Variants in CFAP44 observed in about 807,000 individuals in gnomAD.
The protein encoded by CFAP44 is cilia- and flagella-associated protein 44.
CFAP44 carries 134 observed loss-of-function variants against 216.2 expected under a neutral mutation model. That is an observed-to-expected ratio of 0.62 (90% CI 0.54 to 0.72). The LOEUF is 0.72. CFAP44 is among the 30% of genes least tolerant of loss of function. The pLI is 0.00. For missense variants in CFAP44, 2,035 were observed against 2,182.1 expected, an observed-to-expected ratio of 0.93 and a Z score of 1.34; for synonymous variants, 700 against 727.6, an observed-to-expected ratio of 0.96 and a Z score of 0.61.
At chr3:113,409,386 G>A (rs1304765851) in intron 6 of CFAP44, 64 bp from the exon 7 acceptor site, 4 of 1,458,454 alleles carry the variant, frequency 2.7e-6, no homozygotes, top group African/African-American at 2.8e-5. Flanking sequence ...AAAACATATT[G>A]TAAAAAAAAG....
intron 1 of CFAP44, among the ~76,000 whole-genome samples, chr3:113,439,014 G>A (rs889119093): frequency 2.0e-5 from 3 of 152,112 alleles, no homozygotes; most frequent in African/African-American, 7.2e-5. Flanking sequence ...TTCACCTATC[G>A]GGGACATTCA....
chr3:113,420,119 G>A lies in CFAP44; in HGVS notation c.468C>T (p.Ile156=), dbSNP rs770683197. The part of the protein sequence containing the change: ...RANLQLLDDS[I]AIYIAGNQLI... ...GTTGGTTCCCAGCTATGTATATGGCGATACTGTCGTCCAGAAGTTGTAGGT... is the reference window on the plus strand; with the variant it reads ...GTTGGTTCCCAGCTATGTATATGGCAATACTGTCGTCCAGAAGTTGTAGGT... Residue 156 remains isoleucine (I), a synonymous_variant, in exon 5 of 35, where the codon ATC becomes ATT. Transcript: ENST00000393845. 2.6e-5 allele frequency: 42 copies of A among 1,613,634 alleles called. No individual in the cohort carries two copies. The highest frequency in any genetic ancestry group is 1.6e-4 in the Middle Eastern group (1 of 6,078).
rs1437455996 is a variant in CFAP44 at position 113,355,565 on chromosome 3, C to T, written c.3065+3180G>A. On this transcript the variant is annotated intron_variant, in intron 22 of 34. Coordinates refer to ENST00000393845, the MANE Select transcript of CFAP44 (RefSeq NM_001164496.2). ...AAAAAGGATGAGTTCATGTCCTTTG[C>T]AGGAACATGGATGAAGCTGGAAACC... Among the ~76,000 whole-genome samples the T allele has an allele frequency of 3.3e-5, 5 of 152,098 alleles. No individual in the cohort carries two copies. The East Asian group carries it at 5.8e-4, about 18-fold the overall frequency.
intron 32 of CFAP44, among the ~76,000 whole-genome samples, chr3:113,302,772 C>CA (rs57355375): frequency 0.05 from 2,176 of 43,468 alleles, 51 homozygotes; most frequent in African/African-American, 0.087. Context: ...GACTCCATCT[C>CA]AAAAAAAAAA....
In CFAP44 at chr3:113,426,274, G is replaced by A; in HGVS notation, c.257C>T (p.Pro86Leu). Residue 86 changes from proline (P) to leucine (L), a missense_variant, in exon 4 of 35, where the codon CCT becomes CTT. This residue lies in a region of CFAP44 where 149 missense variants were observed against 141.8 expected (regional missense o/e 1.05). Transcript: ENST00000393845. ...QYGDLQSTTV[P>L]QQTPAPAVEE... ...CACAGCTGGAGCAGGGGTTTGCTGA[G>A]GTACTAAAAAAATAAAATAATTTAA... 6.2e-7 allele frequency: 1 copy of A among 1,611,506 alleles called. No individual in the cohort carries two copies. The highest frequency in any genetic ancestry group is 8.5e-7 in the Non-Finnish European group (1 of 1,179,264).
At chr3:113,298,785 GTC>G (rs1439577001) in intron 32 of CFAP44, among the ~76,000 whole-genome samples, 1 of 152,202 alleles carries the variant, frequency 6.6e-6, no homozygotes, top group Non-Finnish European at 1.5e-5. Flanking sequence ...ACTTCGAGTA[GTC>G]AAGTTCACAG....
chr3:113,320,938 C>G (rs1406491377), intron 28 of CFAP44, among the ~76,000 whole-genome samples: 1 of 152,138 alleles, frequency 6.6e-6, no homozygotes, highest in Non-Finnish European at 1.5e-5. Context: ...CAGACACACC[C>G]AGGATCAATA....
intron 15 of CFAP44, among the ~76,000 whole-genome samples, chr3:113,393,247 T>C (rs901688490): frequency 2.0e-5 from 3 of 152,198 alleles, no homozygotes; most frequent in Non-Finnish European, 4.4e-5. Context: ...ACATTAGAAA[T>C]ACAAGTGCTA....
In CFAP44 at chr3:113,416,573, T is replaced by C; in HGVS notation, c.625A>G (p.Ile209Val). The C allele has an allele frequency of 6.2e-7, 1 of 1,612,802 alleles. No individual in the cohort carries two copies. Among genetic ancestry groups the C allele is most frequent in the Non-Finnish European group, 8.5e-7 (1 of 1,179,182 alleles). Residue 209 changes from isoleucine (I) to valine (V), a missense_variant, in exon 6 of 35, where the codon ATT becomes GTT. Physicochemically the swap from Ile to Val is conservative, Grantham distance 29. Coordinates refer to ENST00000393845, the MANE Select transcript of CFAP44 (RefSeq NM_001164496.2). ...TVAEKGSFPD[I>V]IIYEYPSLRP... Reference sequence around the variant, plus strand: ...AGAGAAGGATATTCATAGATGATAATATCTGGAAAACTCCCTTTTTCAGCT... The same window carrying C: ...AGAGAAGGATATTCATAGATGATAACATCTGGAAAACTCCCTTTTTCAGCT...
intron 15 of CFAP44, 53 bp from the exon 16 acceptor site, chr3:113,381,113 A>G (rs2107337435): frequency 7.8e-7 from 1 of 1,277,378 alleles, no homozygotes; most frequent in East Asian, 2.5e-5. Flanking sequence ...TTAAAAGCAT[A>G]GTTTAAAGAG....
chr3:113,438,116 T>C (rs1027403093), intron 1 of CFAP44, among the ~76,000 whole-genome samples: 1 of 152,208 alleles, frequency 6.6e-6, no homozygotes, highest in African/African-American at 2.4e-5. Context: ...GCATAAGAAC[T>C]GGTTAGGAAT....
At chr3:113,348,378 C>T (rs1316921811) in intron 22 of CFAP44, among the ~76,000 whole-genome samples, 3 of 152,176 alleles carry the variant, frequency 2.0e-5, no homozygotes, top group African/African-American at 4.8e-5. Flanking sequence ...CCAATATTCT[C>T]TCTCTGATGG....
At chr3:113,393,218 C>T (rs543580504) in intron 15 of CFAP44, among the ~76,000 whole-genome samples, 20 of 152,296 alleles carry the variant, frequency 1.3e-4, no homozygotes, top group Non-Finnish European at 2.2e-4. Flanking sequence ...TTACTTTTTA[C>T]TTTAGTAATT....
intron 17 of CFAP44, among the ~76,000 whole-genome samples, chr3:113,377,260 G>C (rs900808907): frequency 6.6e-6 from 1 of 152,216 alleles, no homozygotes; most frequent in Non-Finnish European, 1.5e-5. Context: ...ACTGCAGTCA[G>C]TACTTCAAAA....
In CFAP44 at chr3:113,294,515, C is replaced by T. The variant is rs1007233694; in HGVS notation, c.5373+172G>A. 13 of 764,678 alleles carry T rather than the reference C, an allele frequency of 1.7e-5. No homozygotes were observed. In the Admixed American group the frequency reaches 4.5e-4, roughly 27 times the overall value. The allele number at this position is 764,678 out of a possible 1,614,324, so 47.4% of individuals were successfully genotyped here. ...TTCAATAAAGCTAGTCCCTCAGGCC[C>T]ACTGTAATGTGGCTAACACCAACTC... On this transcript the variant is annotated intron_variant, in intron 34 of 34. Transcript: ENST00000393845.
chr3:113,371,658 A>G (rs1304867513), intron 18 of CFAP44, among the ~76,000 whole-genome samples: 5 of 152,250 alleles, frequency 3.3e-5, no homozygotes, highest in Non-Finnish European at 5.9e-5. Flanking sequence ...ACCATTCAGG[A>G]CATAGGCATG....
intron 18 of CFAP44, among the ~76,000 whole-genome samples, chr3:113,369,233 C>T (rs1240046704): frequency 6.6e-6 from 1 of 152,176 alleles, no homozygotes; most frequent in African/African-American, 2.4e-5. Flanking sequence ...CCAAGCAGAT[C>T]TAATAGACAT....
chr3:113,322,909 A>C (rs540943641), intron 28 of CFAP44, among the ~76,000 whole-genome samples: 1 of 152,224 alleles, frequency 6.6e-6, no homozygotes, highest in Non-Finnish European at 1.5e-5. Flanking sequence ...ACGCCTCAGG[A>C]AACTTAAAAT....
At chr3:113,329,670 T>C (rs1015743728) in intron 26 of CFAP44, among the ~76,000 whole-genome samples, 1 of 152,164 alleles carries the variant, frequency 6.6e-6, no homozygotes, top group African/African-American at 2.4e-5. Context: ...GAAATAAGAA[T>C]AGTCGCCATT....
Sources: gnomAD v4.1 joint callset for allele counts (sites outside exome capture counted in the v4.1 genomes callset) on GRCh38, gnomAD v4.1.1 for gene constraint, gnomAD v4.1.1 regional missense constraint, MANE v1.5 for transcripts, NCBI Gene and HGNC (gene_info 2026-07-23, HGNC 2026-07-21) for gene names.